The following PDLIM5 variants were observed in gnomAD, a reference collection of about 807,000 sequenced individuals.
PDLIM5 encodes the protein PDZ and LIM domain 5.
In PDLIM5, 34 loss-of-function variants were observed where a neutral mutation model predicts 64.2. That is an observed-to-expected ratio of 0.53 (90% confidence interval 0.40 to 0.71). The LOEUF (loss-of-function observed/expected upper bound fraction) is 0.71, where lower values mean the gene tolerates loss of function less well. Ranked by LOEUF, PDLIM5 falls within the 30% of genes least tolerant of loss-of-function variation. The pLI, the probability that PDLIM5 is intolerant of heterozygous loss-of-function variation, is 0.00. For missense variants in PDLIM5, 683 were observed against 733.6 expected (o/e 0.93, Z 0.80); for synonymous variants, 253 against 269.1 (o/e 0.94, Z 0.59).
chr4:94,634,294 A>G (rs886768267), intron 8 of PDLIM5, among the ~76,000 whole-genome samples: 2 of 152,200 alleles, frequency 1.3e-5, no homozygotes, highest in Non-Finnish European at 2.9e-5. Context: ...GGCTTGGACC[A>G]AGATGTACTA....
intron 8 of PDLIM5, among the ~76,000 whole-genome samples, chr4:94,635,624 T>C (rs550325696): frequency 1.3e-5 from 2 of 152,294 alleles, no homozygotes; most frequent in South Asian, 4.1e-4. Context: ...TGGTTTTCTT[T>C]GTATGGTAGT....
At chr4:94,533,355 A>G (rs148923220) in intron 3 of PDLIM5, among the ~76,000 whole-genome samples, 2 of 152,188 alleles carry the variant, frequency 1.3e-5, no homozygotes, top group Non-Finnish European at 2.9e-5. Flanking sequence ...ACTTCAATCT[A>G]TACTCCTTTG....
At chr4:94,526,680 T>G (rs1195962355) in intron 3 of PDLIM5, among the ~76,000 whole-genome samples, 2 of 152,128 alleles carry the variant, frequency 1.3e-5, no homozygotes. Context: ...CTCCTTAAGT[T>G]TTCTCTCTTA....
At chr4:94,663,181 T>C (rs1189091383) in intron 12 of PDLIM5, among the ~76,000 whole-genome samples, 1 of 152,188 alleles carries the variant, frequency 6.6e-6, no homozygotes, top group Non-Finnish European at 1.5e-5. Flanking sequence ...TAAAATTAGA[T>C]TTAACATATC....
At chr4:94,620,441 G>A (rs891446439) in intron 8 of PDLIM5, among the ~76,000 whole-genome samples, 2 of 152,036 alleles carry the variant, frequency 1.3e-5, no homozygotes, top group Non-Finnish European at 2.9e-5. Flanking sequence ...GGAGGCTGAG[G>A]TGGGAGCATC....
At chr4:94,455,096 G>A (rs1229583654) in intron 1 of PDLIM5, 151 bp from the exon 2 acceptor site, 2 of 498,490 alleles carry the variant, frequency 4.0e-6, no homozygotes, top group South Asian at 4.2e-5. Context: ...TTAGCTCACA[G>A]ATTGCTTTTC....
At chr4:94,544,286 A>G (rs916746020) in intron 3 of PDLIM5, among the ~76,000 whole-genome samples, 1 of 151,440 alleles carries the variant, frequency 6.6e-6, no homozygotes, top group Non-Finnish European at 1.5e-5. Flanking sequence ...ATCTGCAAAG[A>G]CCCTTTTCCC....
chr4:94,487,497 A>G (rs1054205476), intron 2 of PDLIM5, among the ~76,000 whole-genome samples: 2 of 152,184 alleles, frequency 1.3e-5, no homozygotes, highest in East Asian at 1.9e-4. Context: ...GTTTCTGTGT[A>G]TAGTTAGCAG....
intron 3 of PDLIM5, among the ~76,000 whole-genome samples, chr4:94,568,692 A>C (rs1560709311): frequency 6.6e-6 from 1 of 152,228 alleles, no homozygotes; most frequent in Admixed American, 6.5e-5. Context: ...TACAGCAATA[A>C]GTTTTCTCCC....
At chr4:94,522,786 G>A (rs182535959) in intron 2 of PDLIM5, among the ~76,000 whole-genome samples, 1 of 152,276 alleles carries the variant, frequency 6.6e-6, no homozygotes, top group East Asian at 1.9e-4. Context: ...AAGTACTAGA[G>A]AAATACTGGT....
At chr4:94,648,520 G>A (rs912383638) in intron 9 of PDLIM5, among the ~76,000 whole-genome samples, 24 of 152,076 alleles carry the variant, frequency 1.6e-4, no homozygotes, top group Non-Finnish European at 5.9e-5. Flanking sequence ...GTCTGGCCTC[G>A]AACTCCTGGC....
At chr4:94,500,771 TTTTATTTA>T (rs111387310) in intron 2 of PDLIM5, among the ~76,000 whole-genome samples, 11 of 148,934 alleles carry the variant, frequency 7.4e-5, no homozygotes, top group South Asian at 2.2e-4. Flanking sequence ...AGTTTATGGA[TTTTATTTA>T]TTTATTTATT....
intron 5 of PDLIM5, chr4:94,579,072 C>T (rs3805266): frequency 0.53 from 80,117 of 151,888 alleles, 21,678 homozygotes; most frequent in African/African-American, 0.61. Context: ...AGCATGAAAT[C>T]TGTACATAAC....
At position 94,625,017 on chromosome 4, in the gene PDLIM5, A is replaced by G. The variant is rs533438173; in HGVS notation, c.1108+6826A>G. On this transcript the variant is annotated intron_variant, in intron 8 of 12. Coordinates refer to ENST00000317968, the MANE Select transcript of PDLIM5 (RefSeq NM_006457.5). ...TTTAAGAAGTTATTCAGGTAATCCA[A>G]TCTGGAGATAGATAATGAATATTGC... 5.9e-5 allele frequency among the ~76,000 whole-genome samples: 9 copies of G among 152,368 alleles called. No homozygotes were observed. The East Asian group carries it at 1.2e-3, about 20-fold the overall frequency.
intron 8 of PDLIM5, among the ~76,000 whole-genome samples, chr4:94,638,645 C>T (rs1037880737): frequency 6.6e-6 from 1 of 152,226 alleles, no homozygotes; most frequent in Admixed American, 6.5e-5. Flanking sequence ...TATCTGTATA[C>T]ACTCTGTTAA....
intron 3 of PDLIM5, among the ~76,000 whole-genome samples, chr4:94,525,116 T>C (rs1013115961): frequency 2.6e-5 from 4 of 152,148 alleles, no homozygotes; most frequent in African/African-American, 9.7e-5. Context: ...ATGCATATTA[T>C]GAATCTTTAA....
At chr4:94,621,745 T>G (rs1486345723) in intron 8 of PDLIM5, among the ~76,000 whole-genome samples, 1 of 152,190 alleles carries the variant, frequency 6.6e-6, no homozygotes, top group Non-Finnish European at 1.5e-5. Context: ...GTGAGAATAA[T>G]CAAAGTAGGC....
At chr4:94,486,655 T>C (rs778238634) in intron 2 of PDLIM5, among the ~76,000 whole-genome samples, 1 of 152,142 alleles carries the variant, frequency 6.6e-6, no homozygotes, top group Non-Finnish European at 1.5e-5. Context: ...CTTCTTCCTT[T>C]CTGGGAAGTG....
chr4:94,465,747 G>A (rs1447020469), intron 2 of PDLIM5, among the ~76,000 whole-genome samples: 8 of 152,106 alleles, frequency 5.3e-5, no homozygotes, highest in African/African-American at 1.7e-4. Flanking sequence ...AAACTGAGGG[G>A]CAGAGAGGTT....
Sources: allele counts gnomAD v4.1 joint callset (sites outside exome capture counted in the v4.1 genomes callset), GRCh38; gene constraint gnomAD v4.1.1; transcripts MANE v1.5; gene names NCBI Gene and HGNC (gene_info 2026-07-23, HGNC 2026-07-21).